IGSF10: variants seen among roughly 807,000 people sequenced by gnomAD.
IGSF10 encodes the protein calvaria mechanical force protein 608.
IGSF10 carries 126 observed loss-of-function variants against 128.2 expected under a neutral mutation model. The observed-to-expected ratio is 0.98, with a 90% confidence interval of 0.85 to 1.14. The LOEUF is 1.14. Ranked by LOEUF, IGSF10 falls within the 50% of genes most tolerant of loss-of-function variation. The pLI is 0.00. For synonymous variants in IGSF10, 1,185 were observed against 1,146.2 expected (o/e 1.03, Z -0.68); for missense variants, 3,295 against 3,149.8 (o/e 1.05, Z -1.10).
chr3:151,453,474 G>T lies in IGSF10; in HGVS notation c.625C>A (p.Pro209Thr). 6.2e-7 allele frequency: 1 copy of T among 1,613,922 alleles called. No individual in the cohort carries two copies. Among genetic ancestry groups the T allele is most frequent in the Non-Finnish European group, 8.5e-7 (1 of 1,179,814 alleles). ...SLPQEMVSYM[P>T]DLDSLYLHGN... is the part of the protein sequence containing the mutation. Reference sequence around the variant, plus strand: ...TGCAGGTAAAGGCTGTCTAGGTCAGGCATATAGGAGACCATCTCTTGAGGG... The same window carrying T: ...TGCAGGTAAAGGCTGTCTAGGTCAGTCATATAGGAGACCATCTCTTGAGGG... Residue 209 changes from proline (P) to threonine (T), a missense_variant, in exon 5 of 8, where the codon CCT (proline) becomes ACT (threonine). Coordinates refer to ENST00000282466, the MANE Select transcript of IGSF10 (RefSeq NM_178822.5).
Position 151,445,579 on chromosome 3 carries a change from T to TG in IGSF10, c.4401dup (p.Ser1468GlnfsTer21). On this transcript the variant is annotated frameshift_variant, in exon 6 of 8. Coordinates refer to ENST00000282466, the MANE Select transcript of IGSF10 (RefSeq NM_178822.5). LOFTEE classifies it high-confidence loss of function. ...GGAACTGGCATTAGAGTAGCACTGC[T>TG]GCTCAAGAATGGTGGTATGGTTGAG... 6.2e-7 allele frequency: 1 copy of TG among 1,614,200 alleles called. No individual in the cohort carries two copies. The highest frequency in any genetic ancestry group is 1.1e-5 in the South Asian group (1 of 91,088).
chr3:151,463,568 C>T (rs531114956), upstream of IGSF10, among the ~76,000 whole-genome samples: 82 of 16,318 alleles, frequency 5.0e-3, no homozygotes, highest in Non-Finnish European at 8.1e-3. Flanking sequence ...TTTTCTGAGA[C>T]GGAGTTTTGC....
the IGSF10 span, among the ~76,000 whole-genome samples, chr3:151,471,967 G>C: frequency 6.6e-6 from 1 of 152,170 alleles, no homozygotes; most frequent in East Asian, 1.9e-4. Context: ...TAAATTTAAT[G>C]TAAAGTGCAG....
At chr3:151,593,896 T>G in the IGSF10 span, among the ~76,000 whole-genome samples, 5 of 152,108 alleles carry the variant, frequency 3.3e-5, no homozygotes, top group Non-Finnish European at 7.4e-5. Flanking sequence ...CTGCACAAAC[T>G]TTCATGAAAA....
rs1356665820 is a variant in IGSF10, at chr3:151,448,251, T to C, written c.1730A>G (p.Gln577Arg). 2 of 1,614,112 alleles carry C rather than the reference T, an allele frequency of 1.2e-6. No individual in the cohort carries two copies. Among genetic ancestry groups the C allele is most frequent in the Admixed American group, 3.3e-5 (2 of 60,008 alleles). The change falls in exon 6 of 8, where the codon CAG becomes CGG. Residue 577 changes from glutamine to arginine, a missense_variant. By Grantham distance (43) the Gln-to-Arg change is conservative. Transcript: ENST00000282466. Reference sequence around the variant, plus strand: ...AACTGTGTGATGAATCCCATTTTCCTGATAGGCTTCGACCAAAGGTTCTAC... The same window carrying C: ...AACTGTGTGATGAATCCCATTTTCCCGATAGGCTTCGACCAAAGGTTCTAC... ...TVVEPLVEAY[Q>R]ENGIHHTVFI...
At chr3:151,514,996 A>G in the IGSF10 span, among the ~76,000 whole-genome samples, 1 of 152,206 alleles carries the variant, frequency 6.6e-6, no homozygotes, top group African/African-American at 2.4e-5. Context: ...GTGGAGAAAC[A>G]GGAACACTTT....
chr3:151,443,390 C>A lies in IGSF10; in HGVS notation c.5557G>T (p.Val1853Leu). 1.2e-6 allele frequency: 2 copies of A among 1,614,228 alleles called. No homozygotes were observed. Among genetic ancestry groups the A allele is most frequent in the Non-Finnish European group, 1.7e-6 (2 of 1,180,046 alleles). The change falls in exon 7 of 8, where the codon GTA (valine) becomes TTA (leucine). Residue 1853 changes from valine (V) to leucine (L), a missense_variant. Coordinates refer to ENST00000282466, the MANE Select transcript of IGSF10 (RefSeq NM_178822.5). ...VILEQRRQVIVGTWGESLKLP... is the reference protein window; with the variant it reads ...VILEQRRQVILGTWGESLKLP... Reference sequence around the variant, plus strand: ...TTTAAACTTTCACCCCAAGTGCCTACAATGACTTGCCTCCTTTGCTCTAGA... The same window carrying A: ...TTTAAACTTTCACCCCAAGTGCCTAAAATGACTTGCCTCCTTTGCTCTAGA...
At chr3:151,549,032 T>A in the IGSF10 span, among the ~76,000 whole-genome samples, 2 of 152,174 alleles carry the variant, frequency 1.3e-5, no homozygotes, top group African/African-American at 2.4e-5. Context: ...CTTTCTTTTT[T>A]AAAGTTTTCT....
chr3:151,515,755 G>C, the IGSF10 span, among the ~76,000 whole-genome samples: 1 of 149,198 alleles, frequency 6.7e-6, no homozygotes, highest in African/African-American at 2.5e-5. Context: ...GTGTGTGTTT[G>C]TGTGTATGGT....
chr3:151,520,581 A>G, the IGSF10 span, among the ~76,000 whole-genome samples: 1 of 151,872 alleles, frequency 6.6e-6, no homozygotes, highest in Non-Finnish European at 1.5e-5. Flanking sequence ...TATATTCAAT[A>G]TCTTTAAAGA....
At chr3:151,536,087 A>T in the IGSF10 span, among the ~76,000 whole-genome samples, 1 of 152,142 alleles carries the variant, frequency 6.6e-6, no homozygotes, top group African/African-American at 2.4e-5. Flanking sequence ...GTCCTGTCCC[A>T]CCATGGCTAC....
chr3:151,507,504 C>T, the IGSF10 span, among the ~76,000 whole-genome samples: 12 of 152,192 alleles, frequency 7.9e-5, no homozygotes, highest in South Asian at 2.1e-4. Context: ...TGAGACTTGA[C>T]GATTTATAAA....
At chr3:151,529,474 C>G in the IGSF10 span, among the ~76,000 whole-genome samples, 2 of 152,150 alleles carry the variant, frequency 1.3e-5, no homozygotes, top group Non-Finnish European at 2.9e-5. Context: ...TAGCATCAGG[C>G]AGGTGCCCCT....
At chr3:151,449,939 C>T (rs1232780877) in intron 5 of IGSF10, among the ~76,000 whole-genome samples, 1 of 152,108 alleles carries the variant, frequency 6.6e-6, no homozygotes, top group Non-Finnish European at 1.5e-5. Context: ...AGGAAGACTC[C>T]GTTTTATGAC....
the IGSF10 span, among the ~76,000 whole-genome samples, chr3:151,572,860 G>C: frequency 6.6e-6 from 1 of 152,144 alleles, no homozygotes; most frequent in South Asian, 2.1e-4. Flanking sequence ...GGCATTTAGT[G>C]CTATAAGTTT....
At position 151,448,884 on chromosome 3, in the gene IGSF10, A is replaced by C; in HGVS notation, c.1097T>G (p.Ile366Arg). ...CACTGGCTGAATGTGACCGTAATCT[A>C]TGTTGCACACCAAAAATGTTGAAAA... is the stretch of plus-strand genomic sequence containing the variant. Reference protein sequence around the residue: ...TSFSTFLVCNIDYGHIQPVWQ... With the variant: ...TSFSTFLVCNRDYGHIQPVWQ... Residue 366 changes from isoleucine to arginine, a missense_variant, in exon 6 of 8, where the codon ATA becomes AGA. By Grantham distance (97) the Ile-to-Arg change is moderately conservative. Transcript: ENST00000282466. 1 of 1,614,242 alleles carries C rather than the reference A, an allele frequency of 6.2e-7. No homozygotes were observed. Among genetic ancestry groups the C allele is most frequent in the Non-Finnish European group, 8.5e-7 (1 of 1,180,046 alleles).
At chr3:151,469,408 T>C in the IGSF10 span, among the ~76,000 whole-genome samples, 2 of 152,130 alleles carry the variant, frequency 1.3e-5, no homozygotes, top group African/African-American at 4.8e-5. Context: ...CCAATTAACA[T>C]TGGGGCCCTT....
the IGSF10 span, among the ~76,000 whole-genome samples, chr3:151,528,543 C>T: frequency 1.8e-4 from 27 of 152,174 alleles, 1 homozygote; most frequent in Admixed American, 1.8e-3. Flanking sequence ...GTGGGTGCAG[C>T]CCATGGAGGG....
chr3:151,552,541 C>T, the IGSF10 span, among the ~76,000 whole-genome samples: 11 of 152,232 alleles, frequency 7.2e-5, no homozygotes, highest in South Asian at 4.2e-4. Flanking sequence ...CCTATGACCA[C>T]GGACATCTGG....
Sources: allele counts gnomAD v4.1 joint callset (sites outside exome capture counted in the v4.1 genomes callset), GRCh38; gene constraint gnomAD v4.1.1; transcripts MANE v1.5; gene names NCBI Gene and HGNC (gene_info 2026-07-23, HGNC 2026-07-21).